The following MFF variants were observed in gnomAD, a reference collection of about 807,000 sequenced individuals.
MFF encodes mitochondrial fission factor.
Under a neutral mutation model 36.9 loss-of-function variants are expected in MFF, and 12 were observed. That is an observed-to-expected ratio of 0.33 (90% CI 0.21 to 0.53). MFF has a LOEUF of 0.53. MFF is among the 20% of genes least tolerant of loss of function. MFF has a pLI of 0.95. For synonymous variants in MFF, 99 were observed against 126.2 expected, an observed-to-expected ratio of 0.78 and a Z score of 1.44; for missense variants, 348 against 366.6, an observed-to-expected ratio of 0.95 and a Z score of 0.42.
intron 5 of MFF, among the ~76,000 whole-genome samples, chr2:227,340,854 A>G (rs1458263938): frequency 6.6e-6 from 1 of 152,200 alleles, no homozygotes; most frequent in Admixed American, 6.5e-5. Flanking sequence ...AAGCTACCAC[A>G]AGATTATTAA....
intron 4 of MFF, among the ~76,000 whole-genome samples, chr2:227,335,729 A>G (rs964611263): frequency 3.9e-5 from 6 of 152,360 alleles, no homozygotes; most frequent in African/African-American, 1.4e-4. Flanking sequence ...TAAAGAATCC[A>G]GGTGAGCCCT....
chr2:227,338,984 C>T (rs751823043), intron 4 of MFF, among the ~76,000 whole-genome samples: 2 of 151,874 alleles, frequency 1.3e-5, no homozygotes, highest in African/African-American at 2.4e-5. Context: ...GGGCAGAACA[C>T]TTGAGCTCAG....
At chr2:227,339,238 A>G (rs2075248672) in intron 4 of MFF, among the ~76,000 whole-genome samples, 1 of 152,172 alleles carries the variant, frequency 6.6e-6, no homozygotes, top group South Asian at 2.1e-4. Context: ...ATAAGCAGAA[A>G]AGTTAATGAT....
At position 227,357,262 on chromosome 2, in the gene MFF, G is replaced by A; in HGVS notation, c.*145G>A. On this transcript the variant is annotated 3_prime_UTR_variant, in exon 9 of 9. Transcript: ENST00000304593. ...TTTCTTCCAGAAAGTCTGGAGGAAG[G>A]ACCTATATTTGTAGAAGTAAAGGTA... 4 of 873,770 alleles carry A rather than the reference G, an allele frequency of 4.6e-6. No homozygotes were observed. Among genetic ancestry groups the A allele is most frequent in the Non-Finnish European group, 5.1e-6 (3 of 586,010 alleles). The allele number at this position is 873,770 out of a possible 1,614,324, so 54.1% of individuals were successfully genotyped here.
At chr2:227,353,784 AGTT>A (rs2076124590) in intron 7 of MFF, among the ~76,000 whole-genome samples, 1 of 152,186 alleles carries the variant, frequency 6.6e-6, no homozygotes, top group Non-Finnish European at 1.5e-5. Flanking sequence ...TCTAAACCTT[AGTT>A]AATTCAGGAT....
Position 227,355,511 on chromosome 2 carries a change from T to C in MFF, c.660-166T>C, listed in dbSNP as rs73090111. On this transcript the variant is annotated intron_variant, in intron 7 of 8. Coordinates refer to ENST00000304593, the MANE Select transcript of MFF (RefSeq NM_001277062.2). ...AGTTGTCATTTTAAGCTTTTTTCTT[T>C]CCTTTATTAGTACAAATTCAGGTAG... 34,017 of 389,906 alleles carry C rather than the reference T, an allele frequency of 0.087. 2,504 individuals are homozygous for C. Among genetic ancestry groups the C allele is most frequent in the African/African-American group, 0.25 (11,869 of 47,776 alleles). 24.2% of individuals were successfully genotyped at this position (389,906 alleles called of 1,614,324 possible). A position where few individuals can be genotyped will look rare whatever the true frequency, so the allele number is the denominator to read the frequency against.
intron 1 of MFF, among the ~76,000 whole-genome samples, chr2:227,327,269 T>TAA (rs2074228856): frequency 6.6e-6 from 1 of 152,198 alleles, no homozygotes; most frequent in South Asian, 2.1e-4. Context: ...TCTGTGATTC[T>TAA]AAGAGAGATT....
chr2:227,326,899 G>A (rs2074192104), intron 1 of MFF, among the ~76,000 whole-genome samples: 1 of 152,138 alleles, frequency 6.6e-6, no homozygotes, highest in Admixed American at 6.5e-5. Context: ...GGCTTTCTGG[G>A]TTCCAGTGTT....
chr2:227,338,418 G>A (rs2075168979), intron 4 of MFF, among the ~76,000 whole-genome samples: 1 of 150,538 alleles, frequency 6.6e-6, no homozygotes, highest in Non-Finnish European at 1.5e-5. Flanking sequence ...TTACAGGTGT[G>A]AGCCACCGTG....
intron 8 of MFF, 132 bp downstream of exon 8, chr2:227,355,893 A>ATT: frequency 1.7e-6 from 1 of 583,532 alleles, no homozygotes; most frequent in Non-Finnish European, 3.1e-6. Context: ...TGATTTTCTC[A>ATT]TTTTGATTAA....
intron 2 of MFF, chr2:227,329,917 C>CACATTTGAACTT: frequency 2.4e-6 from 1 of 420,548 alleles, no homozygotes; most frequent in Non-Finnish European, 4.0e-6. Flanking sequence ...ATTCTTTCTA[C>CACATTTGAACTT]TGCATTAAAA....
At chr2:227,332,720 C>T in intron 4 of MFF, 132 bp downstream of exon 4, 1 of 591,654 alleles carries the variant, frequency 1.7e-6, no homozygotes, top group East Asian at 3.0e-5. Flanking sequence ...ACTAATAATT[C>T]TAATTTACAA....
At chr2:227,332,955 C>T (rs937786079) in intron 4 of MFF, among the ~76,000 whole-genome samples, 4 of 152,144 alleles carry the variant, frequency 2.6e-5, no homozygotes, top group Non-Finnish European at 4.4e-5. Flanking sequence ...GCAAAGAAAA[C>T]CCTTTTTCGC....
chr2:227,339,776 GGATTAGA>G (rs1402015355), intron 4 of MFF, among the ~76,000 whole-genome samples: 4 of 152,150 alleles, frequency 2.6e-5, no homozygotes, highest in Non-Finnish European at 5.9e-5. Flanking sequence ...AGAGCATGTG[GGATTAGA>G]GATTGCAGCC....
chr2:227,348,100 CAATTT>C (rs1251993450), intron 6 of MFF, among the ~76,000 whole-genome samples: 2 of 152,068 alleles, frequency 1.3e-5, no homozygotes. Context: ...AAGATAGAGT[CAATTT>C]CATTTCAACT....
At chr2:227,327,777 C>T in intron 1 of MFF, among the ~76,000 whole-genome samples, 1 of 152,172 alleles carries the variant, frequency 6.6e-6, no homozygotes, top group East Asian at 1.9e-4. Context: ...CCACTTGGTT[C>T]TCGTTTATTA....
At chr2:227,342,922 A>G (rs1203782765) in intron 5 of MFF, 1 of 888,036 alleles carries the variant, frequency 1.1e-6, no homozygotes, top group Non-Finnish European at 1.7e-6. Context: ...TGCTATCCTA[A>G]TTATCTTCCT....
At chr2:227,344,526 T>C (rs1214807290) in intron 5 of MFF, among the ~76,000 whole-genome samples, 1 of 149,558 alleles carries the variant, frequency 6.7e-6, no homozygotes. Flanking sequence ...TTTTTGTTTT[T>C]ACATTTATTT....
At chr2:227,347,592 C>T (rs2075780153) in intron 6 of MFF, among the ~76,000 whole-genome samples, 1 of 152,192 alleles carries the variant, frequency 6.6e-6, no homozygotes, top group Admixed American at 6.5e-5. Context: ...TTCCTTCTGT[C>T]AGGGAGAGTA....
Sources: gnomAD v4.1 joint callset for allele counts (sites outside exome capture counted in the v4.1 genomes callset) on GRCh38, gnomAD v4.1.1 for gene constraint, MANE v1.5 for transcripts, NCBI Gene and HGNC (gene_info 2026-07-23, HGNC 2026-07-21) for gene names.